Variants in ARHGAP21 observed in about 807,000 individuals in gnomAD.
ARHGAP21 encodes rho GTPase-activating protein 21.
ARHGAP21 carries 38 observed loss-of-function variants against 164.6 expected under a neutral mutation model. That is an observed-to-expected ratio of 0.23 (90% CI 0.18 to 0.30). The LOEUF is 0.30. Ranked by LOEUF, ARHGAP21 falls within the 10% of genes least tolerant of loss-of-function variation. ARHGAP21 has a pLI of 1.00. For synonymous variants in ARHGAP21, 766 were observed against 857.9 expected, an observed-to-expected ratio of 0.89 and a Z score of 1.87; for missense variants, 1,822 against 2,370.7, an observed-to-expected ratio of 0.77 and a Z score of 4.81.
chr10:24,651,496 T>C (rs1838156251), intron 4 of ARHGAP21, among the ~76,000 whole-genome samples: 2 of 152,242 alleles, frequency 1.3e-5, no homozygotes, highest in Non-Finnish European at 2.9e-5. Context: ...TCCATCTTGA[T>C]GTCTGCTACT....
chr10:24,667,192 T>C (rs532292019), intron 3 of ARHGAP21, among the ~76,000 whole-genome samples, 183 bp from the exon 4 acceptor site: 26 of 152,186 alleles, frequency 1.7e-4, no homozygotes, highest in Non-Finnish European at 2.9e-4. Flanking sequence ...AGCAAACGTA[T>C]AGCCCATCTT....
chr10:24,688,200 G>A (rs562753893), intron 2 of ARHGAP21, among the ~76,000 whole-genome samples: 1 of 152,156 alleles, frequency 6.6e-6, no homozygotes, highest in Non-Finnish European at 1.5e-5. Context: ...AGGCCAGCCT[G>A]GCCAACATGG....
At chr10:24,710,516 C>T (rs1012648984) in intron 2 of ARHGAP21, among the ~76,000 whole-genome samples, 2 of 152,174 alleles carry the variant, frequency 1.3e-5, no homozygotes, top group Non-Finnish European at 2.9e-5. Context: ...ACTATAAGTA[C>T]TTGTTCAATT....
At chr10:24,648,640 C>T (rs987477544) in intron 4 of ARHGAP21, among the ~76,000 whole-genome samples, 6 of 151,932 alleles carry the variant, frequency 3.9e-5, no homozygotes, top group Admixed American at 2.0e-4. Context: ...ATTAGCCAGG[C>T]GTGGTGGTAG....
chr10:24,639,724 C>T (rs1302612358), intron 4 of ARHGAP21, among the ~76,000 whole-genome samples: 3 of 152,080 alleles, frequency 2.0e-5, no homozygotes, highest in Non-Finnish European at 4.4e-5. Context: ...ACAAACTATA[C>T]ACCTGTCTTC....
intron 2 of ARHGAP21, among the ~76,000 whole-genome samples, chr10:24,695,426 G>A (rs577742824): frequency 1.3e-5 from 2 of 152,120 alleles, no homozygotes; most frequent in African/African-American, 4.8e-5. Context: ...AAAATTAGCT[G>A]GGCGTGGTGG....
chr10:24,618,770 A>G (rs1834240981), intron 9 of ARHGAP21, among the ~76,000 whole-genome samples: 1 of 152,134 alleles, frequency 6.6e-6, no homozygotes, highest in Non-Finnish European at 1.5e-5. Context: ...CTTTCAGATC[A>G]CGGGAGGATT....
chr10:24,642,244 A>T (rs974356420), intron 4 of ARHGAP21, among the ~76,000 whole-genome samples: 3 of 151,898 alleles, frequency 2.0e-5, no homozygotes, highest in African/African-American at 7.3e-5. Context: ...AGCAAGAAAC[A>T]GGGGCTCACG....
chr10:24,690,776 C>A (rs556414926), intron 2 of ARHGAP21, among the ~76,000 whole-genome samples: 2 of 150,796 alleles, frequency 1.3e-5, no homozygotes, highest in Admixed American at 1.3e-4. Flanking sequence ...TGCAGTGAGC[C>A]GAGATCGCGC....
chr10:24,586,176 T>A, intron 25 of ARHGAP21, 70 bp from the exon 26 acceptor site: 1 of 1,458,122 alleles, frequency 6.9e-7, no homozygotes, highest in Non-Finnish European at 9.1e-7. Context: ...GACAAGCTTG[T>A]CTCCCAAATA....
chr10:24,611,453 T>C (rs1380155211), intron 9 of ARHGAP21, among the ~76,000 whole-genome samples: 1 of 152,102 alleles, frequency 6.6e-6, no homozygotes, highest in Non-Finnish European at 1.5e-5. Context: ...CCTGTAATCC[T>C]AGCAGTTTGG....
At chr10:24,632,750 A>G (rs1166074092) in intron 6 of ARHGAP21, among the ~76,000 whole-genome samples, 4 of 152,228 alleles carry the variant, frequency 2.6e-5, no homozygotes, top group African/African-American at 9.6e-5. Context: ...GACTAGGCTC[A>G]GATCCATGGC....
At chr10:24,693,439 C>G (rs934162507) in intron 2 of ARHGAP21, among the ~76,000 whole-genome samples, 2 of 152,000 alleles carry the variant, frequency 1.3e-5, no homozygotes, top group African/African-American at 4.8e-5. Flanking sequence ...CTGCCTCTGC[C>G]TCCCCGGTAC....
At chr10:24,631,127 G>A (rs1489952349) in intron 6 of ARHGAP21, among the ~76,000 whole-genome samples, 1 of 152,164 alleles carries the variant, frequency 6.6e-6, no homozygotes, top group Non-Finnish European at 1.5e-5. Context: ...ACGTTCCCAG[G>A]CCAAGGTGGG....
rs199839426 is a variant in ARHGAP21 at position 24,604,335 on chromosome 10, C to G, written c.2698G>C (p.Val900Leu). 6.1e-5 allele frequency: 97 copies of G among 1,590,936 alleles called. No homozygotes were observed. The African/African-American group carries it at 1.2e-3, about 20-fold the overall frequency. ...ACCTTGATTCCCTTCAGACTAGATA[C>G]GTGCTTAAAGGACCTGTTGGGGAAA... ...REDAKLSFKH[V>L]SSLKGIKIAD... is the part of the protein sequence containing the mutation. The change falls in exon 12 of 26, where the codon GTA becomes CTA. Residue 900 changes from valine to leucine, a missense_variant. Around this residue, in one of 5 missense-constraint regions of ARHGAP21, gnomAD observed 1,090 missense variants for 1,378.9 expected, o/e 0.79. Transcript: ENST00000396432.
chr10:24,615,945 T>C (rs1053672712), intron 9 of ARHGAP21, among the ~76,000 whole-genome samples: 3 of 152,088 alleles, frequency 2.0e-5, no homozygotes, highest in African/African-American at 7.2e-5. Flanking sequence ...GCTAATATTT[T>C]TGTATTTTTT....
intron 19 of ARHGAP21, 42 bp downstream of exon 19, chr10:24,595,675 T>G (rs193115454): frequency 6.4e-7 from 1 of 1,563,236 alleles, no homozygotes; most frequent in African/African-American, 1.4e-5. Context: ...CAATTGTAAC[T>G]TGAACCATTT....
intron 14 of ARHGAP21, among the ~76,000 whole-genome samples, chr10:24,598,683 T>C (rs1483453762): frequency 1.3e-5 from 2 of 152,218 alleles, no homozygotes; most frequent in East Asian, 3.8e-4. Context: ...GTTCTCAATT[T>C]TTTTTAACTT....
At chr10:24,677,626 G>A (rs951716392) in intron 2 of ARHGAP21, among the ~76,000 whole-genome samples, 1 of 152,196 alleles carries the variant, frequency 6.6e-6, no homozygotes, top group African/African-American at 2.4e-5. Context: ...TAAGCCCCAA[G>A]CGACTGCAAA....
Sources: gnomAD v4.1 joint callset for allele counts (sites outside exome capture counted in the v4.1 genomes callset) on GRCh38, gnomAD v4.1.1 for gene constraint, gnomAD v4.1.1 regional missense constraint, MANE v1.5 for transcripts, NCBI Gene and HGNC (gene_info 2026-07-23, HGNC 2026-07-21) for gene names.